FOXP2: variants seen among roughly 807,000 people sequenced by gnomAD.
The protein encoded by FOXP2 is forkhead box P2.
A neutral mutation model predicts 115.8 loss-of-function variants in FOXP2; 12 were observed. The ratio of observed to expected loss-of-function variants is 0.10; its 90% confidence interval spans 0.07 to 0.17. The LOEUF is 0.17. Among genes scored for constraint, FOXP2 ranks in the 10% least tolerant of loss-of-function variants. The probability of loss-of-function intolerance (pLI) is 1.00; values close to 1 mark genes in which losing one functional copy is unlikely to be tolerated. For missense variants in FOXP2, 629 were observed against 843.5 expected, an observed-to-expected ratio of 0.75 and a Z score of 3.15; for synonymous variants, 328 against 297.7, an observed-to-expected ratio of 1.10 and a Z score of -1.05.
chr7:114,153,238 G>T (rs2078305596), intron 1 of FOXP2, among the ~76,000 whole-genome samples: 1 of 152,026 alleles, frequency 6.6e-6, no homozygotes, highest in Non-Finnish European at 1.5e-5. Flanking sequence ...AAAGAGTAGT[G>T]CCATAAAATA....
intron 3 of FOXP2, among the ~76,000 whole-genome samples, chr7:114,548,186 A>G (rs537431440): frequency 1.6e-3 from 238 of 152,342 alleles, no homozygotes; most frequent in Admixed American, 5.3e-3. Flanking sequence ...CAAAACAGAA[A>G]GGGCAAAATA....
intron 3 of FOXP2, among the ~76,000 whole-genome samples, chr7:114,574,503 A>G (rs1447855805): frequency 6.6e-6 from 1 of 151,794 alleles, no homozygotes; most frequent in African/African-American, 2.4e-5. Context: ...CTGATTTATC[A>G]AACAGCTTTA....
chr7:114,356,539 A>G (rs1459908074), intron 2 of FOXP2, among the ~76,000 whole-genome samples: 1 of 152,184 alleles, frequency 6.6e-6, no homozygotes, highest in Admixed American at 6.5e-5. Flanking sequence ...AGGGTAAGGA[A>G]TGATTATGGG....
chr7:114,592,650 A>T (rs979613484), intron 3 of FOXP2, among the ~76,000 whole-genome samples: 14 of 152,038 alleles, frequency 9.2e-5, no homozygotes, highest in African/African-American at 3.1e-4. Flanking sequence ...ACTATTTTTA[A>T]CTGTACCTTT....
At chr7:114,265,257 T>G (rs1486456627) in intron 1 of FOXP2, among the ~76,000 whole-genome samples, 1 of 152,108 alleles carries the variant, frequency 6.6e-6, no homozygotes, top group Non-Finnish European at 1.5e-5. Context: ...GTATAGGCAT[T>G]GGGGAAACAT....
chr7:114,281,186 C>T (rs116168941), intron 1 of FOXP2, among the ~76,000 whole-genome samples: 2,396 of 146,330 alleles, frequency 0.016, 33 homozygotes, highest in African/African-American at 0.03. Context: ...ACTGCAACCT[C>T]CCCCTCCCGG....
At chr7:114,186,406 A>T (rs1279731099) in intron 1 of FOXP2, among the ~76,000 whole-genome samples, 2 of 152,164 alleles carry the variant, frequency 1.3e-5, no homozygotes, top group Non-Finnish European at 2.9e-5. Context: ...TGGGTAACTG[A>T]TCTCAAATAA....
At chr7:114,196,148 G>A (rs1425074641) in intron 1 of FOXP2, among the ~76,000 whole-genome samples, 2 of 152,022 alleles carry the variant, frequency 1.3e-5, no homozygotes, top group African/African-American at 4.8e-5. Flanking sequence ...GAGTAGCTGG[G>A]ACTAGGGCGC....
chr7:114,574,426 A>T (rs576340992), intron 3 of FOXP2, among the ~76,000 whole-genome samples: 1 of 151,850 alleles, frequency 6.6e-6, no homozygotes, highest in Non-Finnish European at 1.5e-5. Context: ...ATCTGAAAAA[A>T]AAAATCTTCA....
At chr7:114,135,357 G>A (rs1442944829) in intron 1 of FOXP2, among the ~76,000 whole-genome samples, 1 of 151,898 alleles carries the variant, frequency 6.6e-6, no homozygotes, top group African/African-American at 2.4e-5. Context: ...TTTTAAAAAG[G>A]CAAAGAAAAT....
At chr7:114,456,814 T>C (rs887524632) in intron 2 of FOXP2, among the ~76,000 whole-genome samples, 6 of 152,196 alleles carry the variant, frequency 3.9e-5, no homozygotes, top group African/African-American at 1.4e-4. Context: ...TTGTGGTATG[T>C]ATCTATGCAG....
intron 3 of FOXP2, among the ~76,000 whole-genome samples, chr7:114,542,341 G>A (rs960357591): frequency 2.0e-5 from 3 of 151,878 alleles, no homozygotes; most frequent in South Asian, 2.1e-4. Flanking sequence ...AAATAAAACC[G>A]TGCCCATTCT....
At chr7:114,400,087 T>C (rs1045404484) in intron 2 of FOXP2, among the ~76,000 whole-genome samples, 8 of 152,038 alleles carry the variant, frequency 5.3e-5, no homozygotes, top group African/African-American at 1.9e-4. Flanking sequence ...CTTGAACTCC[T>C]GACCTCGTGA....
intron 1 of FOXP2, among the ~76,000 whole-genome samples, chr7:114,418,625 G>C (rs1339663071): frequency 1.3e-5 from 2 of 151,730 alleles, no homozygotes; most frequent in African/African-American, 4.8e-5. Context: ...AAGAAACAAA[G>C]CTATTGTAGT....
At chr7:114,108,301 A>G (rs1584483258) in intron 1 of FOXP2, among the ~76,000 whole-genome samples, 1 of 151,900 alleles carries the variant, frequency 6.6e-6, no homozygotes, top group Non-Finnish European at 1.5e-5. Flanking sequence ...TTCAAGACCA[A>G]GCTTGGTATC....
rs1806898099 is a variant in FOXP2 at position 114,662,047 on chromosome 7, C to T, written c.1648-18C>T. ...AATATTATTTTTGCCATTTTTTCTT[C>T]TCTTCTGTCTGCTTTAGAATGCAGT... On this transcript the variant is annotated intron_variant, in intron 13 of 16. Transcript: ENST00000350908. The T allele has an allele frequency of 6.2e-7, 1 of 1,611,878 alleles. No homozygotes were observed. Among genetic ancestry groups the T allele is most frequent in the African/African-American group, 1.3e-5 (1 of 74,838 alleles).
chr7:114,401,156 C>G (rs929510497), intron 2 of FOXP2, among the ~76,000 whole-genome samples: 3 of 152,066 alleles, frequency 2.0e-5, no homozygotes, highest in Non-Finnish European at 4.4e-5. Context: ...AACGGTTTTA[C>G]AAGGGCTTGC....
At chr7:114,507,323 C>G (rs1196653627) in intron 2 of FOXP2, among the ~76,000 whole-genome samples, 3 of 151,828 alleles carry the variant, frequency 2.0e-5, no homozygotes, top group African/African-American at 7.2e-5. Context: ...AGAAGTGAAG[C>G]TATTCTAAAT....
At chr7:114,473,297 C>G (rs1418249188) in intron 2 of FOXP2, among the ~76,000 whole-genome samples, 1 of 152,052 alleles carries the variant, frequency 6.6e-6, no homozygotes, top group Admixed American at 6.6e-5. Flanking sequence ...TTACAAGATA[C>G]AAGCACAGAG....
Sources: gnomAD v4.1 joint callset for allele counts (sites outside exome capture counted in the v4.1 genomes callset) on GRCh38, gnomAD v4.1.1 for gene constraint, MANE v1.5 for transcripts, NCBI Gene and HGNC (gene_info 2026-07-23, HGNC 2026-07-21) for gene names.